Variants in TBC1D10A observed in about 807,000 individuals in gnomAD.
TBC1D10A encodes TBC1 domain family member 10A, also known as EBP50-PDX interactor of 64 kDa.
Under a neutral mutation model 52.9 loss-of-function variants are expected in TBC1D10A, and 24 were observed. The ratio of observed to expected loss-of-function variants is 0.45; its 90% CI spans 0.33 to 0.64. The LOEUF (loss-of-function observed/expected upper bound fraction) is 0.64. Ranked by LOEUF, TBC1D10A falls within the 30% of genes least tolerant of loss-of-function variation. The pLI is 0.02. For missense variants in TBC1D10A, 602 were observed against 687.9 expected, an observed-to-expected ratio of 0.88 and a Z score of 1.40; for synonymous variants, 278 against 282.9, an observed-to-expected ratio of 0.98 and a Z score of 0.17.
At chr22:30,322,124 C>T (rs1246448659) in intron 1 of TBC1D10A, among the ~76,000 whole-genome samples, 7 of 151,982 alleles carry the variant, frequency 4.6e-5, no homozygotes, top group South Asian at 2.1e-4. Context: ...GGATTATGGG[C>T]GTGAGCCACT....
intron 1 of TBC1D10A, chr22:30,318,636 C>T: frequency 2.1e-6 from 1 of 471,178 alleles, no homozygotes; most frequent in South Asian, 1.5e-5. Flanking sequence ...AAAGCCACTT[C>T]AGCTAGTCCA....
intron 1 of TBC1D10A, among the ~76,000 whole-genome samples, chr22:30,325,650 G>C (rs1209039860): frequency 1.3e-5 from 2 of 152,094 alleles, no homozygotes; most frequent in African/African-American, 4.8e-5. Flanking sequence ...CTGGGCTCGG[G>C]GGATTCTGTG....
intron 1 of TBC1D10A, among the ~76,000 whole-genome samples, chr22:30,318,283 C>T (rs146306303): frequency 2.3e-4 from 35 of 152,294 alleles, no homozygotes; most frequent in African/African-American, 7.9e-4. Flanking sequence ...TGCCATACCA[C>T]CCTAAGGTAG....
chr22:30,306,849 T>TCTAG (rs1401245699), intron 1 of TBC1D10A, among the ~76,000 whole-genome samples: 23 of 152,228 alleles, frequency 1.5e-4, no homozygotes, highest in African/African-American at 5.3e-4. Context: ...GGTAGATGTC[T>TCTAG]CTAGGCACAG....
rs1297487060 is a variant in TBC1D10A, at chr22:30,292,560, G to A, written c.1342C>T (p.Pro448Ser). 4 of 1,613,514 alleles carry A rather than the reference G, an allele frequency of 2.5e-6. No homozygotes were observed. The highest frequency in any genetic ancestry group is 2.7e-5 in the African/African-American group (2 of 74,880). ...QMKGRGQLEK[P>S]PAPNQAMVVA... ...ACCATGGCTTGATTTGGGGCTGGGG[G>A]CTTCTCCAGCTGCCCTCTCCCCTTC... Residue 448 changes from proline to serine, a missense_variant, in exon 9 of 9, where the codon CCC becomes TCC. By Grantham distance (74) the Pro-to-Ser change is moderately conservative. Around this residue, in one of 3 missense-constraint regions of TBC1D10A, gnomAD observed 265 missense variants for 275.1 expected, o/e 0.96. Transcript: ENST00000215790.
chr22:30,323,828 G>A (rs1431217547), intron 1 of TBC1D10A, among the ~76,000 whole-genome samples: 1 of 152,168 alleles, frequency 6.6e-6, no homozygotes, highest in Non-Finnish European at 1.5e-5. Context: ...TTAGCCAGGT[G>A]TGGTGATGGG....
At chr22:30,319,731 T>C (rs1052139437) in intron 1 of TBC1D10A, among the ~76,000 whole-genome samples, 2 of 152,132 alleles carry the variant, frequency 1.3e-5, no homozygotes, top group Non-Finnish European at 2.9e-5. Context: ...GGGTGGCCAG[T>C]ACAGTGTTCT....
chr22:30,309,610 G>A (rs1162580504), intron 1 of TBC1D10A, among the ~76,000 whole-genome samples: 2 of 152,216 alleles, frequency 1.3e-5, no homozygotes, highest in Non-Finnish European at 2.9e-5. Flanking sequence ...CACAGATCTT[G>A]TCAGGCTCCT....
intron 5 of TBC1D10A, 37 bp downstream of exon 5, chr22:30,294,904 C>T (rs769539603): frequency 1.2e-6 from 2 of 1,614,048 alleles, no homozygotes; most frequent in Non-Finnish European, 1.7e-6. Flanking sequence ...TGGGGGTTCC[C>T]CACCCACCCC....
Position 30,294,044 on chromosome 22 carries a change from T to C in TBC1D10A, c.772A>G (p.Lys258Glu). Residue 258 changes from lysine to glutamate, a missense_variant, in exon 7 of 9, where the codon AAG (lysine) becomes GAG (glutamate). Transcript: ENST00000215790. ...TCGATCTTCTGACGGCTGAGGTGCT[T>C]GTGGGCCACCGGCGACACCTTCTGC... ...LLQKVSPVAH[K>E]HLSRQKIDPL... The C allele has an allele frequency of 1.2e-6, 2 of 1,614,080 alleles. No individual in the cohort carries two copies. Among genetic ancestry groups the C allele is most frequent in the South Asian group, 1.1e-5 (1 of 91,082 alleles).
intron 2 of TBC1D10A, among the ~76,000 whole-genome samples, chr22:30,303,851 C>T (rs530872910): frequency 6.6e-6 from 1 of 152,216 alleles, no homozygotes; most frequent in Non-Finnish European, 1.5e-5. Context: ...AATGTTCCCA[C>T]AGGGCAATAG....
chr22:30,305,924 C>A (rs188899886), intron 1 of TBC1D10A, among the ~76,000 whole-genome samples: 121 of 152,354 alleles, frequency 7.9e-4, no homozygotes, highest in African/African-American at 2.8e-3. Context: ...GCCCCTCTCA[C>A]CACCTAAAGG....
Position 30,292,451 on chromosome 22 carries a change from A to C in TBC1D10A, c.1451T>G (p.Leu484Trp), listed in dbSNP as rs746245148. The change falls in exon 9 of 9, where the codon TTG becomes TGG. Residue 484 changes from leucine to tryptophan, a missense_variant. Physicochemically the swap from Leu to Trp is moderately conservative, Grantham distance 61. Coordinates refer to ENST00000215790, the MANE Select transcript of TBC1D10A (RefSeq NM_031937.3). ...SAPKDSAPQDLAPQVSAHHRS... is the reference protein window; with the variant it reads ...SAPKDSAPQDWAPQVSAHHRS... The stretch of plus-strand genomic sequence containing the variant: ...GTGGTGGGCTGAGACCTGGGGAGCC[A>C]AATCCTGAGGGGCTGAGTCCTTGGG... The C allele has an allele frequency of 6.2e-7, 1 of 1,602,616 alleles. No homozygotes were observed. Among genetic ancestry groups the C allele is most frequent in the South Asian group, 1.1e-5 (1 of 89,596 alleles).
intron 1 of TBC1D10A, among the ~76,000 whole-genome samples, chr22:30,308,292 A>C (rs113275328): frequency 0.045 from 3,554 of 78,764 alleles, 135 homozygotes; most frequent in Admixed American, 0.15. Context: ...GCATGCCTGC[A>C]TGCCTGCATG....
At chr22:30,326,275 T>C (rs1029071406) in intron 1 of TBC1D10A, among the ~76,000 whole-genome samples, 10 of 100,270 alleles carry the variant, frequency 1.0e-4, no homozygotes, top group African/African-American at 3.9e-4. Context: ...TGAGTGTCTA[T>C]GGAGGGGGGC....
chr22:30,294,075 C>A lies in TBC1D10A; in HGVS notation c.741G>T (p.Ser247=), dbSNP rs1930019059. The A allele has an allele frequency of 2.5e-6, 4 of 1,613,898 alleles. No individual in the cohort carries two copies. The highest frequency in any genetic ancestry group is 3.4e-6 in the Non-Finnish European group (4 of 1,180,020). ...CCACCGGCGACACCTTCTGCAACAG[C>A]GAGAAAAGGATCTCCCCGTCCAGCT... ...AIQLDGEILF[S]LLQKVSPVAH... The change falls in exon 7 of 9, where the codon TCG becomes TCT. Residue 247 remains serine (S), a synonymous_variant. Transcript: ENST00000215790.
intron 1 of TBC1D10A, among the ~76,000 whole-genome samples, chr22:30,323,256 T>G (rs1484887337): frequency 6.6e-6 from 1 of 152,188 alleles, no homozygotes; most frequent in East Asian, 1.9e-4. Context: ...TATTAATTAC[T>G]CCACCGCAGG....
chr22:30,316,841 C>A (rs1003546703), intron 1 of TBC1D10A, among the ~76,000 whole-genome samples: 3 of 152,048 alleles, frequency 2.0e-5, no homozygotes, highest in Admixed American at 6.6e-5. Context: ...GAGTTTGAAA[C>A]CAGCCTGGGC....
intron 2 of TBC1D10A, among the ~76,000 whole-genome samples, chr22:30,300,318 G>C (rs989996304): frequency 1.3e-5 from 2 of 152,004 alleles, no homozygotes; most frequent in Non-Finnish European, 2.9e-5. Flanking sequence ...GCATGGTGGT[G>C]GGCGCCTGTA....
Sources: gnomAD v4.1 joint callset for allele counts (sites outside exome capture counted in the v4.1 genomes callset) on GRCh38, gnomAD v4.1.1 for gene constraint, gnomAD v4.1.1 regional missense constraint, MANE v1.5 for transcripts, NCBI Gene and HGNC (gene_info 2026-07-23, HGNC 2026-07-21) for gene names.